GALNTL6: variants seen among roughly 807,000 people sequenced by gnomAD.
The protein encoded by GALNTL6 is polypeptide N-acetylgalactosaminyltransferase-like 6.
Under a neutral mutation model 73.7 loss-of-function variants are expected in GALNTL6, and 46 were observed. The observed-to-expected ratio is 0.62, with a 90% CI of 0.49 to 0.80. The LOEUF is 0.80. GALNTL6 is among the 30% of genes least tolerant of loss of function. The pLI is 0.00. For synonymous variants in GALNTL6, 259 were observed against 263.7 expected (o/e 0.98, Z 0.17); for missense variants, 604 against 755.0 (o/e 0.80, Z 2.34).
intron 2 of GALNTL6, among the ~76,000 whole-genome samples, chr4:172,224,053 GGTTTT>G (rs1351450650): frequency 6.6e-6 from 1 of 152,058 alleles, no homozygotes; most frequent in Admixed American, 6.6e-5. Flanking sequence ...AATGATTTAA[GGTTTT>G]TCTCAGTGAC....
At chr4:172,930,576 A>G (rs1377260704) in intron 8 of GALNTL6, among the ~76,000 whole-genome samples, 1 of 152,258 alleles carries the variant, frequency 6.6e-6, no homozygotes, top group Non-Finnish European at 1.5e-5. Context: ...ATGTCTAAGC[A>G]TGAAATGTGG....
At chr4:171,896,542 G>A (rs1006371811) in intron 2 of GALNTL6, among the ~76,000 whole-genome samples, 27 of 152,172 alleles carry the variant, frequency 1.8e-4, no homozygotes, top group Non-Finnish European at 1.5e-5. Flanking sequence ...AGTTCAACAT[G>A]TTGGCAGATT....
chr4:172,262,454 T>C (rs1738290670), intron 3 of GALNTL6, among the ~76,000 whole-genome samples: 1 of 151,648 alleles, frequency 6.6e-6, no homozygotes, highest in Admixed American at 6.6e-5. Context: ...CTACTCACTT[T>C]TGGTTTCTAT....
chr4:173,008,746 G>A (rs1752407496), intron 10 of GALNTL6, among the ~76,000 whole-genome samples: 1 of 152,186 alleles, frequency 6.6e-6, no homozygotes. Context: ...TTTCCTCTGT[G>A]AGGGTCTTTA....
chr4:171,993,256 A>G (rs763526784), intron 2 of GALNTL6, among the ~76,000 whole-genome samples: 29 of 152,078 alleles, frequency 1.9e-4, no homozygotes, highest in Non-Finnish European at 2.5e-4. Flanking sequence ...TGACAATACA[A>G]TAGTGTTGTG....
rs1741192516 is a variant in GALNTL6, at chr4:172,809,904, G to C, written c.739+358G>C. On this transcript the variant is annotated intron_variant, in intron 6 of 12. Transcript: ENST00000506823. The surrounding 1 kb of genome is among the most constrained non-coding windows in gnomAD (Gnocchi z 4.4). Reference sequence around the variant, plus strand: ...TTTTATAATCCTGTAGCTACAGCAAGATTAAAATACACACACACACACACA... The same window carrying C: ...TTTTATAATCCTGTAGCTACAGCAACATTAAAATACACACACACACACACA... Among the ~76,000 whole-genome samples, 1 of 141,248 alleles carries C rather than the reference G, an allele frequency of 7.1e-6. No individual in the cohort carries two copies. Among genetic ancestry groups the C allele is most frequent in the Non-Finnish European group, 1.5e-5 (1 of 65,418 alleles). 92.7% of individuals were successfully genotyped at this position (141,248 alleles called of 152,430 possible).
intron 2 of GALNTL6, among the ~76,000 whole-genome samples, chr4:171,844,291 C>A (rs905095405): frequency 6.6e-6 from 1 of 152,044 alleles, no homozygotes; most frequent in African/African-American, 2.4e-5. Context: ...CATCTTCATC[C>A]TATGGTTAAC....
At chr4:172,087,010 C>G (rs568837521) in intron 2 of GALNTL6, among the ~76,000 whole-genome samples, 1 of 152,276 alleles carries the variant, frequency 6.6e-6, no homozygotes, top group East Asian at 1.9e-4. Context: ...CTCCTGCTAC[C>G]TTCCAGTTCC....
chr4:172,193,690 G>A (rs1052406653), intron 2 of GALNTL6, among the ~76,000 whole-genome samples: 7 of 151,682 alleles, frequency 4.6e-5, no homozygotes, highest in African/African-American at 1.5e-4. Context: ...GTGAAACCCC[G>A]TCTCTACTAA....
At chr4:171,876,072 T>C (rs1398169536) in intron 2 of GALNTL6, among the ~76,000 whole-genome samples, 3 of 152,110 alleles carry the variant, frequency 2.0e-5, no homozygotes, top group Admixed American at 2.0e-4. Flanking sequence ...AATGTAAATA[T>C]ATAGGTGAGA....
At chr4:171,925,312 G>A (rs560887456) in intron 2 of GALNTL6, among the ~76,000 whole-genome samples, 1 of 152,200 alleles carries the variant, frequency 6.6e-6, no homozygotes, top group East Asian at 1.9e-4. Flanking sequence ...TATGAAAAGG[G>A]ATTCTTTTGT....
intron 4 of GALNTL6, among the ~76,000 whole-genome samples, chr4:172,336,270 GTTTTGT>G (rs1170535912): frequency 3.7e-5 from 4 of 108,436 alleles, no homozygotes; most frequent in Non-Finnish European, 5.2e-5. Flanking sequence ...GTATAGTTTT[GTTTTGT>G]TTTTTTTTTT....
chr4:172,250,787 A>C (rs1408782925), intron 3 of GALNTL6, among the ~76,000 whole-genome samples: 3 of 152,210 alleles, frequency 2.0e-5, no homozygotes, highest in African/African-American at 7.2e-5. Context: ...AGACTGATAC[A>C]GCCATGGTTA....
intron 3 of GALNTL6, among the ~76,000 whole-genome samples, chr4:172,291,362 A>C (rs1739464912): frequency 6.6e-6 from 1 of 152,110 alleles, no homozygotes; most frequent in Admixed American, 6.6e-5. Flanking sequence ...GGGAGACAAA[A>C]ACCAAGTCTT....
chr4:171,846,380 C>G lies in GALNTL6; in HGVS notation c.138+31662C>G, dbSNP rs377506503. On this transcript the variant is annotated intron_variant, in intron 2 of 12. Transcript: ENST00000506823. ...CTATTTCTTATCTTCTCCTTACATA[C>G]AATCATGGCCATACCATGGCCTTAC... 1.6e-4 allele frequency among the ~76,000 whole-genome samples: 24 copies of G among 152,248 alleles called. No individual in the cohort carries two copies. In the East Asian group the frequency reaches 2.5e-3, roughly 16 times the overall value.
chr4:171,988,255 T>G (rs1740176473), intron 2 of GALNTL6, among the ~76,000 whole-genome samples: 1 of 152,134 alleles, frequency 6.6e-6, no homozygotes, highest in African/African-American at 2.4e-5. Flanking sequence ...TCTTGTTTTG[T>G]AAGGGATTGA....
intron 9 of GALNTL6, among the ~76,000 whole-genome samples, chr4:172,939,567 C>A (rs56110146): frequency 0.092 from 13,988 of 152,180 alleles, 764 homozygotes; most frequent in Non-Finnish European, 0.12. Context: ...TTATCAAGTG[C>A]CTACTATGTG....
intron 5 of GALNTL6, among the ~76,000 whole-genome samples, chr4:172,379,086 G>C (rs1294024011): frequency 6.6e-6 from 1 of 152,156 alleles, no homozygotes; most frequent in Non-Finnish European, 1.5e-5. Flanking sequence ...AGCTTTTTCT[G>C]AAGGGGAGAA....
At chr4:172,150,476 A>G (rs1340839775) in intron 2 of GALNTL6, among the ~76,000 whole-genome samples, 1 of 152,222 alleles carries the variant, frequency 6.6e-6, no homozygotes, top group Non-Finnish European at 1.5e-5. Flanking sequence ...TGAAGGGGCT[A>G]CTTTAGATTT....
Sources: allele counts gnomAD v4.1 joint callset (sites outside exome capture counted in the v4.1 genomes callset), GRCh38; gene constraint gnomAD v4.1.1; non-coding constraint Gnocchi (gnomAD v3.1); transcripts MANE v1.5; gene names NCBI Gene and HGNC (gene_info 2026-07-23, HGNC 2026-07-21).